MRPL42: variants seen among roughly 807,000 people sequenced by gnomAD.
MRPL42 encodes the protein large ribosomal subunit protein mL42.
MRPL42 carries 17 observed loss-of-function variants against 17.9 expected under a neutral mutation model. That is an observed-to-expected ratio of 0.95 (90% CI 0.65 to 1.42). The LOEUF is 1.42. MRPL42 is among the 40% of genes most tolerant of loss of function. MRPL42 has a pLI of 0.00. For missense variants in MRPL42, 177 were observed against 175.2 expected, an observed-to-expected ratio of 1.01 and a Z score of -0.06; for synonymous variants, 59 against 54.4, an observed-to-expected ratio of 1.08 and a Z score of -0.37.
At chr12:93,478,130 A>AT (rs1032937758) in intron 3 of MRPL42, among the ~76,000 whole-genome samples, 22 of 149,514 alleles carry the variant, frequency 1.5e-4, no homozygotes, top group African/African-American at 4.4e-4. Context: ...CTAATTGTGT[A>AT]TTTTTTGTAG....
At chr12:93,496,493 T>C (rs545288385) in intron 5 of MRPL42, among the ~76,000 whole-genome samples, 34 of 151,998 alleles carry the variant, frequency 2.2e-4, no homozygotes, top group Non-Finnish European at 3.4e-4. Context: ...ACAGTAGATA[T>C]TCAAAGTGAA....
At chr12:93,486,962 C>A (rs1047229343) in intron 4 of MRPL42, among the ~76,000 whole-genome samples, 3 of 151,940 alleles carry the variant, frequency 2.0e-5, no homozygotes, top group African/African-American at 7.3e-5. Context: ...CCACACCCGG[C>A]CTTTCTATTT....
chr12:93,484,961 AAC>A (rs79607829), intron 4 of MRPL42, among the ~76,000 whole-genome samples: 16 of 26,724 alleles, frequency 6.0e-4, no homozygotes, highest in South Asian at 1.3e-3. Context: ...CTTTTTAAAA[AAC>A]ACACACACAC....
rs1439295637 is a variant in MRPL42, at chr12:93,476,985, T to C, written c.102T>C (p.Ser34=). The C allele has an allele frequency of 5.0e-6, 8 of 1,609,082 alleles. No individual in the cohort carries two copies. The highest frequency in any genetic ancestry group is 1.3e-5 in the African/African-American group (1 of 74,818). Residue 34 remains serine (S), a synonymous_variant, in exon 3 of 6, where the codon TCT becomes TCC. Transcript: ENST00000549982. The part of the protein sequence containing the change: ...NGALYCVCHK[S]TYSPLPDDYN... Reference sequence around the variant, plus strand: ...CTTTATATTGTGTTTGTCATAAATCTACGTATTCTCCTCTACCAGATGACT... The same window carrying C: ...CTTTATATTGTGTTTGTCATAAATCCACGTATTCTCCTCTACCAGATGACT...
At chr12:93,485,544 G>A (rs35505271) in intron 4 of MRPL42, among the ~76,000 whole-genome samples, 13,343 of 116,508 alleles carry the variant, frequency 0.11, 763 homozygotes, top group Middle Eastern at 0.22. Context: ...CACTAATAGC[G>A]TATGAATGTA....
In MRPL42 at chr12:93,506,908, G is replaced by A. The variant is rs1953676935; in HGVS notation, c.*5687G>A. On this transcript the variant is annotated 3_prime_UTR_variant, in exon 6 of 6. Transcript: ENST00000549982. ...CAGGTGTAATTACCATAAGAGCATA[G>A]AAGATAGAATCGTAAAGCTGAAAGA... The A allele has an allele frequency of 6.6e-6, 1 of 152,154 alleles. No homozygotes were observed. Among genetic ancestry groups the A allele is most frequent in the Non-Finnish European group, 1.5e-5 (1 of 68,020 alleles). 9.4% of individuals were successfully genotyped at this position (152,154 alleles called of 1,614,324 possible). A position where few individuals can be genotyped will look rare whatever the true frequency, so the allele number is the denominator to read the frequency against.
chr12:93,497,752 A>AG (rs1455124281), intron 5 of MRPL42, among the ~76,000 whole-genome samples: 1 of 151,758 alleles, frequency 6.6e-6, no homozygotes, highest in Non-Finnish European at 1.5e-5. Flanking sequence ...AAGAAAAAAA[A>AG]AAAAGGCGTC....
chr12:93,500,927 C>A (rs6538423), intron 5 of MRPL42: 245,969 of 367,776 alleles, frequency 0.67, 83,459 homozygotes, highest in Non-Finnish European at 0.72. Flanking sequence ...TTATGAATAA[C>A]CTCTGCACTT....
chr12:93,468,766 T>A (rs76842130), intron 1 of MRPL42, among the ~76,000 whole-genome samples: 2,973 of 152,262 alleles, frequency 0.02, 76 homozygotes, highest in African/African-American at 0.063. Context: ...CAGACAACTA[T>A]TTCATTTAAT....
intron 3 of MRPL42, among the ~76,000 whole-genome samples, chr12:93,477,468 A>AT (rs1491370629): frequency 6.6e-6 from 1 of 152,232 alleles, no homozygotes; most frequent in Non-Finnish European, 1.5e-5. Flanking sequence ...TAGGAATAAC[A>AT]TATGACATTG....
Position 93,504,066 on chromosome 12 carries a change from T to A in MRPL42, c.*2845T>A, listed in dbSNP as rs1417097602. 1 of 154,086 alleles carries A rather than the reference T, an allele frequency of 6.5e-6. No individual in the cohort carries two copies. Among genetic ancestry groups the A allele is most frequent in the Non-Finnish European group, 1.5e-5 (1 of 68,040 alleles). The allele number at this position is 154,086 out of a possible 1,614,324, so 9.5% of individuals were successfully genotyped here. On this transcript the variant is annotated 3_prime_UTR_variant, in exon 6 of 6. Transcript: ENST00000549982. ...ATCATTACTGTTTTCTTAGATTTGT[T>A]TCTGTAAGTGCAATCGTTGAATCAC...
rs752176428 is a variant in MRPL42 at position 93,479,457 on chromosome 12, A to AT, written c.205dup (p.Tyr69LeufsTer2). Reference sequence around the variant, plus strand: ...GCTACCACCCTTCTGTGGACATTCCATATGAACACACAAAAGTATGTATGA... The same window carrying AT: ...GCTACCACCCTTCTGTGGACATTCCATTATGAACACACAAAAGTATGTATGA... On this transcript the variant is annotated frameshift_variant, in exon 4 of 6. Transcript: ENST00000549982. LOFTEE classifies it high-confidence loss of function. 26 of 1,606,374 alleles carry AT rather than the reference A, an allele frequency of 1.6e-5. No homozygotes were observed. Among genetic ancestry groups the AT allele is most frequent in the Non-Finnish European group, 2.0e-5 (24 of 1,175,564 alleles).
intron 4 of MRPL42, among the ~76,000 whole-genome samples, chr12:93,480,976 T>A (rs1488644260): frequency 6.6e-6 from 1 of 152,206 alleles, no homozygotes; most frequent in African/African-American, 2.4e-5. Flanking sequence ...AAAATAGGCC[T>A]ACATCACTGA....
At position 93,469,219 on chromosome 12, in the gene MRPL42, G is replaced by A; in HGVS notation, c.-67G>A. 7.7e-7 allele frequency: 1 copy of A among 1,297,822 alleles called. No homozygotes were observed. Among genetic ancestry groups the A allele is most frequent in the Non-Finnish European group, 1.1e-6 (1 of 917,658 alleles). 80.4% of individuals were successfully genotyped at this position (1,297,822 alleles called of 1,614,324 possible). A position where few individuals can be genotyped will look rare whatever the true frequency, so the allele number is the denominator to read the frequency against. On this transcript the variant is annotated 5_prime_UTR_variant, in exon 2 of 6. Coordinates refer to ENST00000549982, the MANE Select transcript of MRPL42 (RefSeq NM_014050.4). Reference sequence around the variant, plus strand: ...GTAGAAATTGGTATGCTTAGAAGCAGATTCTAAAAGCAGTTTCTCTTCAGA... The same window carrying A: ...GTAGAAATTGGTATGCTTAGAAGCAAATTCTAAAAGCAGTTTCTCTTCAGA...
In MRPL42 at chr12:93,503,428, T is replaced by A. The variant is rs554482785; in HGVS notation, c.*2207T>A. The A allele has an allele frequency of 6.6e-6, 1 of 152,146 alleles. No homozygotes were observed. The allele number at this position is 152,146 out of a possible 1,614,324, so 9.4% of individuals were successfully genotyped here. A position where few individuals can be genotyped will look rare whatever the true frequency, so the allele number is the denominator to read the frequency against. ...AAAGGTCTTGCTGTGTCGCCCAGGA[T>A]GGAGTGCAGTGGCACAATCACATTG... is the stretch of plus-strand genomic sequence containing the variant. On this transcript the variant is annotated 3_prime_UTR_variant, in exon 6 of 6. Transcript: ENST00000549982.
Position 93,512,538 on chromosome 12 carries a change from T to A in MRPL42, c.*11317T>A, listed in dbSNP as rs574749628. On this transcript the variant is annotated 3_prime_UTR_variant, in exon 6 of 6. Transcript: ENST00000549982. ...ACTATCTTCAATTATCTGAAGACAG[T>A]TCTGATAGCTTCAGAATTCTTTCAT... is the stretch of plus-strand genomic sequence containing the variant. 3.3e-4 allele frequency: 51 copies of A among 152,732 alleles called. No individual in the cohort carries two copies. Among genetic ancestry groups the A allele is most frequent in the African/African-American group, 1.1e-3 (46 of 41,580 alleles). The allele number at this position is 152,732 out of a possible 1,614,324, so 9.5% of individuals were successfully genotyped here.
At chr12:93,488,370 G>C in intron 5 of MRPL42, 1 of 398,432 alleles carries the variant, frequency 2.5e-6, no homozygotes, top group Non-Finnish European at 4.4e-6. Context: ...AGCTGGGATT[G>C]TAAGAATGAG....
At chr12:93,489,619 C>T (rs940375373) in intron 5 of MRPL42, among the ~76,000 whole-genome samples, 6 of 152,134 alleles carry the variant, frequency 3.9e-5, no homozygotes, top group Admixed American at 2.6e-4. Context: ...CTGCAACTTC[C>T]GCCTCCCAGG....
rs578239657 is a variant in MRPL42, at chr12:93,502,624, G to T, written c.*1403G>T. 2 of 152,162 alleles carry T rather than the reference G, an allele frequency of 1.3e-5. No individual in the cohort carries two copies. The highest frequency in any genetic ancestry group is 1.3e-4 in the Admixed American group (2 of 15,280). 9.4% of individuals were successfully genotyped at this position (152,162 alleles called of 1,614,324 possible). On this transcript the variant is annotated 3_prime_UTR_variant, in exon 6 of 6. Coordinates refer to ENST00000549982, the MANE Select transcript of MRPL42 (RefSeq NM_014050.4). ...TCATTTGGAAAGATTAAAAAAACAA[G>T]TTTGATTGAACTTGATAAATCAGAA...
Sources: gnomAD v4.1 joint callset for allele counts (sites outside exome capture counted in the v4.1 genomes callset) on GRCh38, gnomAD v4.1.1 for gene constraint, MANE v1.5 for transcripts, NCBI Gene and HGNC (gene_info 2026-07-23, HGNC 2026-07-21) for gene names.